Variants in SCUBE3 observed in about 807,000 individuals in gnomAD.
The protein encoded by SCUBE3 is signal peptide, CUB and EGF-like domain-containing protein 3.
In SCUBE3, 33 loss-of-function variants were observed where a neutral mutation model predicts 116.8. The ratio of observed to expected loss-of-function variants is 0.28; its 90% CI spans 0.21 to 0.38. SCUBE3 has a LOEUF of 0.38. SCUBE3 is among the 10% of genes least tolerant of loss of function. The pLI is 1.00. For missense variants in SCUBE3, 1,007 were observed against 1,324.8 expected, an observed-to-expected ratio of 0.76 and a Z score of 3.72; for synonymous variants, 418 against 496.9, an observed-to-expected ratio of 0.84 and a Z score of 2.11.
intron 6 of SCUBE3, among the ~76,000 whole-genome samples, chr6:35,236,460 G>C (rs928896418): frequency 6.6e-6 from 1 of 152,212 alleles, no homozygotes; most frequent in African/African-American, 2.4e-5. Context: ...ACTCTTTAGC[G>C]GGTGGCTAGC....
rs767777561 is a variant in SCUBE3 at position 35,231,689 on chromosome 6, T to C, written c.335-36T>C. 6 of 1,576,310 alleles carry C rather than the reference T, an allele frequency of 3.8e-6. No individual in the cohort carries two copies. The highest frequency in any genetic ancestry group is 2.3e-5 in the South Asian group (2 of 86,908). On this transcript the variant is annotated intron_variant, in intron 3 of 21. Transcript: ENST00000274938. The surrounding 1 kb of genome is among the most constrained non-coding windows in gnomAD (Gnocchi z 4.2). ...TGGGATATACCCTGGACCCTGCCTG[T>C]ACCCCATGACCCCACTGACTACCTA...
chr6:35,216,592 A>G (rs1782902219), intron 1 of SCUBE3, among the ~76,000 whole-genome samples: 1 of 152,184 alleles, frequency 6.6e-6, no homozygotes, highest in Admixed American at 6.5e-5. Flanking sequence ...AGGAAGAACT[A>G]GTACTGACCA....
chr6:35,219,131 C>T lies in SCUBE3; in HGVS notation c.85+4628C>T, dbSNP rs540598860. On this transcript the variant is annotated intron_variant, in intron 1 of 21. Coordinates refer to ENST00000274938, the MANE Select transcript of SCUBE3 (RefSeq NM_152753.4). The surrounding 1 kb of genome is among the most constrained non-coding windows in gnomAD (Gnocchi z 4.7). ...TGGATACTCTTCCTTTCTTCCCCCA[C>T]CCCAGTTTCCTGGAACCCCAAGTAG... Among the ~76,000 whole-genome samples, 4 of 152,274 alleles carry T rather than the reference C, an allele frequency of 2.6e-5. No homozygotes were observed. Among genetic ancestry groups the T allele is most frequent in the African/African-American group, 9.6e-5 (4 of 41,524 alleles).
Position 35,232,567 on chromosome 6 carries a change from C to G in SCUBE3, c.470-283C>G, listed in dbSNP as rs983686870. ...AGCACAGTGCTGGACACCTATTATACACAATGTTTTGGTTGTTTAAAGGAA... is the reference window on the plus strand; with the variant it reads ...AGCACAGTGCTGGACACCTATTATAGACAATGTTTTGGTTGTTTAAAGGAA... On this transcript the variant is annotated intron_variant, in intron 4 of 21. Coordinates refer to ENST00000274938, the MANE Select transcript of SCUBE3 (RefSeq NM_152753.4). This position sits in a 1 kb window ranked among gnomAD's most constrained non-coding sequence, Gnocchi z 4.2. Among the ~76,000 whole-genome samples, 2 of 152,138 alleles carry G rather than the reference C, an allele frequency of 1.3e-5. No individual in the cohort carries two copies. The highest frequency in any genetic ancestry group is 2.9e-5 in the Non-Finnish European group (2 of 68,018).
rs200259832 is a variant in SCUBE3 at position 35,233,254 on chromosome 6, G to T, written c.665G>T (p.Gly222Val). The change falls in exon 6 of 22, where the codon GGC becomes GTC. Residue 222 changes from glycine to valine, a missense_variant. By Grantham distance (109) the Gly-to-Val change is moderately radical. Coordinates refer to ENST00000274938, the MANE Select transcript of SCUBE3 (RefSeq NM_152753.4). The surrounding 1 kb of genome is among the most constrained non-coding windows in gnomAD (Gnocchi z 5.7). ...GACACAGAGCAGGGTCCCCGGTGCG[G>T]CTGCCATATCAAGTTTGTGCTCCAT... ...CDDTEQGPRC[G>V]CHIKFVLHTD... The T allele has an allele frequency of 1.2e-6, 2 of 1,612,624 alleles. No homozygotes were observed. The highest frequency in any genetic ancestry group is 2.7e-5 in the African/African-American group (2 of 74,950).
Position 35,244,050 on chromosome 6 carries a change from G to A in SCUBE3, c.2159G>A (p.Arg720Gln), listed in dbSNP as rs200910593. 1.5e-5 allele frequency: 24 copies of A among 1,614,096 alleles called. No homozygotes were observed. Among genetic ancestry groups the A allele is most frequent in the Non-Finnish European group, 1.8e-5 (21 of 1,179,976 alleles). ...GGCACCTACCAACCTGAAGCAGGAC[G>A]GACCCTATGCTTCCCTTGTGGTGGG... ...PRGTYQPEAG[R>Q]TLCFPCGGGL... The change falls in exon 17 of 22, where the codon CGG becomes CAG. Residue 720 changes from arginine (R) to glutamine (Q), a missense_variant. Physicochemically the swap from Arg to Gln is conservative, Grantham distance 43. This residue lies in a region of SCUBE3 where 544 missense variants were observed against 638.9 expected (regional missense o/e 0.85). Transcript: ENST00000274938. The surrounding 1 kb of genome is among the most constrained non-coding windows in gnomAD (Gnocchi z 4.3).
In SCUBE3 at chr6:35,228,542, T is replaced by C. The variant is rs1783414126; in HGVS notation, c.209-72T>C. ...GAACATAACTATGTAAACACAACCA[T>C]AAGGCTGAGTCTGGGGGTGGACAGT... On this transcript the variant is annotated intron_variant, in intron 2 of 21. Transcript: ENST00000274938. This position sits in a 1 kb window ranked among gnomAD's most constrained non-coding sequence, Gnocchi z 4.9. 1 of 1,558,158 alleles carries C rather than the reference T, an allele frequency of 6.4e-7. No individual in the cohort carries two copies. Among genetic ancestry groups the C allele is most frequent in the South Asian group, 1.1e-5 (1 of 87,358 alleles).
chr6:35,216,002 G>T (rs1258312336), intron 1 of SCUBE3, among the ~76,000 whole-genome samples: 1 of 152,238 alleles, frequency 6.6e-6, no homozygotes, highest in East Asian at 1.9e-4. Context: ...ATGGAATTAG[G>T]TGGGGAGTTT....
In SCUBE3 at chr6:35,251,327, T is replaced by A. The variant is rs1421420237; in HGVS notation, c.*2622T>A. ...CACCGCGCCCAGCTAATTTTTGTAT[T>A]TTTAGTAGAGATGGGGTTTCACCAT... On this transcript the variant is annotated 3_prime_UTR_variant, in exon 22 of 22. Transcript: ENST00000274938. 1.3e-5 allele frequency: 2 copies of A among 152,078 alleles called. No individual in the cohort carries two copies. Among genetic ancestry groups the A allele is most frequent in the Non-Finnish European group, 2.9e-5 (2 of 68,036 alleles). The allele number at this position is 152,078 out of a possible 1,614,324, so 9.4% of individuals were successfully genotyped here.
rs1784269297 is a variant in SCUBE3 at position 35,244,974 on chromosome 6, T to C, written c.2401+163T>C. ...CAACTCACTCAATCTCAAGGCCAGT[T>C]GCTAGGCTGGACCCTGTAACACCCT... On this transcript the variant is annotated intron_variant, in intron 18 of 21. Coordinates refer to ENST00000274938, the MANE Select transcript of SCUBE3 (RefSeq NM_152753.4). This position sits in a 1 kb window ranked among gnomAD's most constrained non-coding sequence, Gnocchi z 4.3. 6.6e-6 allele frequency among the ~76,000 whole-genome samples: 1 copy of C among 152,124 alleles called. No individual in the cohort carries two copies. Among genetic ancestry groups the C allele is most frequent in the Non-Finnish European group, 1.5e-5 (1 of 68,008 alleles).
intron 1 of SCUBE3, among the ~76,000 whole-genome samples, chr6:35,224,973 A>G (rs1020836028): frequency 4.6e-5 from 7 of 152,206 alleles, no homozygotes; most frequent in African/African-American, 1.4e-4. Flanking sequence ...GCTTTCCGCC[A>G]TGGTAGCCAC....
Position 35,250,378 on chromosome 6 carries a change from A to T in SCUBE3, c.*1673A>T, listed in dbSNP as rs1403069121. 1 of 152,170 alleles carries T rather than the reference A, an allele frequency of 6.6e-6. No individual in the cohort carries two copies. The highest frequency in any genetic ancestry group is 1.5e-5 in the Non-Finnish European group (1 of 68,036). 9.4% of individuals were successfully genotyped at this position (152,170 alleles called of 1,614,324 possible). ...TACACATGGAAGAGGACCAGGACAT[A>T]CCACCTGGGGATGGGCTGACTCAGG... On this transcript the variant is annotated 3_prime_UTR_variant, in exon 22 of 22. Transcript: ENST00000274938.
At chr6:35,224,984 T>TAGCC (rs1345748893) in intron 1 of SCUBE3, among the ~76,000 whole-genome samples, 1 of 152,242 alleles carries the variant, frequency 6.6e-6, no homozygotes, top group African/African-American at 2.4e-5. Flanking sequence ...TGGTAGCCAC[T>TAGCC]AGCCACATGT....
chr6:35,246,503 A>G (rs769683545), intron 21 of SCUBE3, among the ~76,000 whole-genome samples: 4 of 152,208 alleles, frequency 2.6e-5, no homozygotes, highest in South Asian at 2.1e-4. Context: ...GCCCAAGCCT[A>G]TCCGACTGCA....
chr6:35,248,787 A>G lies in SCUBE3; in HGVS notation c.*82A>G. On this transcript the variant is annotated 3_prime_UTR_variant, in exon 22 of 22. Transcript: ENST00000274938. ...GCCGGCAGCCCCCTACCCTCAGACA[A>G]GGAACTCTCTCCTCTCTTTTTGGAG... is the stretch of plus-strand genomic sequence containing the variant. The G allele has an allele frequency of 9.3e-7, 1 of 1,078,236 alleles. No homozygotes were observed. The highest frequency in any genetic ancestry group is 1.4e-5 in the South Asian group (1 of 69,272). 66.8% of individuals were successfully genotyped at this position (1,078,236 alleles called of 1,614,324 possible). A position where few individuals can be genotyped will look rare whatever the true frequency, so the allele number is the denominator to read the frequency against.
Position 35,244,217 on chromosome 6 carries a change from C to A in SCUBE3, c.2239+87C>A. ...CCAATTTCCCAGAGGGGACACTGAC[C>A]CACCATTTTCTCCAAACCAGTAATG... is the stretch of plus-strand genomic sequence containing the variant. On this transcript the variant is annotated intron_variant, in intron 17 of 21. Coordinates refer to ENST00000274938, the MANE Select transcript of SCUBE3 (RefSeq NM_152753.4). The surrounding 1 kb of genome is among the most constrained non-coding windows in gnomAD (Gnocchi z 4.3). 8.3e-7 allele frequency: 1 copy of A among 1,201,578 alleles called. No individual in the cohort carries two copies. Among genetic ancestry groups the A allele is most frequent in the Non-Finnish European group, 1.2e-6 (1 of 854,950 alleles). 74.4% of individuals were successfully genotyped at this position (1,201,578 alleles called of 1,614,324 possible).
chr6:35,226,209 C>T (rs9394284), intron 1 of SCUBE3, among the ~76,000 whole-genome samples: 2 of 152,202 alleles, frequency 1.3e-5, no homozygotes, highest in African/African-American at 4.8e-5. Flanking sequence ...GCTTGGACAT[C>T]TCCTAGGAGA....
rs1784462004 is a variant in SCUBE3, at chr6:35,249,047, T to C, written c.*342T>C. The C allele has an allele frequency of 4.8e-6, 1 of 209,458 alleles. No homozygotes were observed. The highest frequency in any genetic ancestry group is 1.3e-4 in the East Asian group (1 of 7,920). The allele number at this position is 209,458 out of a possible 1,614,324, so 13.0% of individuals were successfully genotyped here. A position where few individuals can be genotyped will look rare whatever the true frequency, so the allele number is the denominator to read the frequency against. On this transcript the variant is annotated 3_prime_UTR_variant, in exon 22 of 22. Transcript: ENST00000274938. ...CGACCCCATCAGCTTGGAAGGGTGC[T>C]AGAGGCCCATCAAGGAAGTGGGTCT...
chr6:35,244,935 C>T lies in SCUBE3; in HGVS notation c.2401+124C>T. ...GGGTGGAGGAGCAGGAAAACTCCAC[C>T]TTCCACCTCTCCCCAACTCACTCAA... On this transcript the variant is annotated intron_variant, in intron 18 of 21. Coordinates refer to ENST00000274938, the MANE Select transcript of SCUBE3 (RefSeq NM_152753.4). This position sits in a 1 kb window ranked among gnomAD's most constrained non-coding sequence, Gnocchi z 4.3. 3.2e-6 allele frequency: 3 copies of T among 943,988 alleles called. No homozygotes were observed. Among genetic ancestry groups the T allele is most frequent in the Admixed American group, 2.2e-5 (1 of 45,940 alleles). The allele number at this position is 943,988 out of a possible 1,614,324, so 58.5% of individuals were successfully genotyped here.
Sources: allele counts gnomAD v4.1 joint callset (sites outside exome capture counted in the v4.1 genomes callset), GRCh38; gene constraint gnomAD v4.1.1; regional missense constraint gnomAD v4.1.1; non-coding constraint Gnocchi (gnomAD v3.1); transcripts MANE v1.5; gene names NCBI Gene and HGNC (gene_info 2026-07-23, HGNC 2026-07-21).